Variants in DNAH17 observed in about 807,000 individuals in gnomAD.
DNAH17 encodes axonemal beta dynein heavy chain 17.
DNAH17 carries 376 observed loss-of-function variants against 485.6 expected under a neutral mutation model. The ratio of observed to expected loss-of-function variants is 0.77; its 90% CI spans 0.71 to 0.84. DNAH17 has a LOEUF of 0.84. Ranked by LOEUF, DNAH17 falls within the 40% of genes least tolerant of loss-of-function variation. The probability of loss-of-function intolerance (pLI) is 0.00; values close to 1 mark genes in which losing one functional copy is unlikely to be tolerated. For synonymous variants in DNAH17, 3,031 were observed against 2,405.9 expected (o/e 1.26, Z -7.60); for missense variants, 6,370 against 5,839.3 (o/e 1.09, Z -2.96).
In DNAH17 at chr17:78,486,349, G is replaced by A. The variant is rs1046398821; in HGVS notation, c.6976C>T (p.Leu2326=). Residue 2326 remains leucine (L), a synonymous_variant, in exon 45 of 81, where the codon CTG becomes TTG. Transcript: ENST00000389840. ...VPEITVIQTI[L]YLLECLLTEK... ...GTGAGCAGGCACTCCAGCAGGTACAGAATCGTTTGGATCACCGTGATCTCC... is the reference window on the plus strand; with the variant it reads ...GTGAGCAGGCACTCCAGCAGGTACAAAATCGTTTGGATCACCGTGATCTCC... 3.1e-6 allele frequency: 5 copies of A among 1,613,786 alleles called. No homozygotes were observed. Among genetic ancestry groups the A allele is most frequent in the African/African-American group, 2.7e-5 (2 of 74,920 alleles).
In DNAH17 at chr17:78,502,859, GCCGCCGAGCCCCCAC is replaced by G. The variant is rs1281596896; in HGVS notation, c.5082+12_5082+26del. 1 of 1,606,862 alleles carries G rather than the reference GCCGCCGAGCCCCCAC, an allele frequency of 6.2e-7. No individual in the cohort carries two copies. The highest frequency in any genetic ancestry group is 8.5e-7 in the Non-Finnish European group (1 of 1,176,574). On this transcript the variant is annotated intron_variant, in intron 32 of 80. Transcript: ENST00000389840. The stretch of plus-strand genomic sequence containing the variant: ...TCGCCCCTTATCTCAGCCACGAGGC[GCCGCCGAGCCCCCAC>G]CCGCCTCAGACCTGGGCTGGGTAGT...
chr17:78,479,739 T>C, intron 49 of DNAH17, 107 bp from the exon 50 acceptor site: 3 of 1,487,014 alleles, frequency 2.0e-6, no homozygotes, highest in Non-Finnish European at 2.7e-6. Context: ...TTCTAAGGTC[T>C]TTTGGGCATT....
At chr17:78,426,008 C>T (rs1187874745) in intron 79 of DNAH17, among the ~76,000 whole-genome samples, 1 of 152,178 alleles carries the variant, frequency 6.6e-6, no homozygotes, top group African/African-American at 2.4e-5. Flanking sequence ...AGTGATCTGC[C>T]TGCCTTGGTC....
intron 30 of DNAH17, among the ~76,000 whole-genome samples, chr17:78,505,723 A>T (rs963929812): frequency 6.6e-6 from 1 of 152,222 alleles, no homozygotes; most frequent in Non-Finnish European, 1.5e-5. Flanking sequence ...TCACACCTGT[A>T]ATCCCAGCAC....
chr17:78,432,914 C>CT (rs397767330), intron 75 of DNAH17, among the ~76,000 whole-genome samples: 1 of 130,256 alleles, frequency 7.7e-6, no homozygotes, highest in Admixed American at 7.6e-5. Flanking sequence ...CCCCCCCCCC[C>CT]GACCCCGGTG....
chr17:78,539,963 C>T lies in DNAH17; in HGVS notation c.2533-83G>A, dbSNP rs558000467. 47 of 1,362,590 alleles carry T rather than the reference C, an allele frequency of 3.4e-5. No homozygotes were observed. The East Asian group carries it at 5.1e-4, about 15-fold the overall frequency. 84.4% of individuals were successfully genotyped at this position (1,362,590 alleles called of 1,614,324 possible). On this transcript the variant is annotated intron_variant, in intron 17 of 80. Coordinates refer to ENST00000389840, the MANE Select transcript of DNAH17 (RefSeq NM_173628.4). ...CACACTGTTTAGTGCCTCTCTGGAC[C>T]GCCCGTCCATGTTCACACGCCGGAC...
At chr17:78,569,333 C>A (rs1451682143) in intron 8 of DNAH17, 42 bp downstream of exon 8, 2 of 1,608,138 alleles carry the variant, frequency 1.2e-6, no homozygotes, top group Admixed American at 3.4e-5. Flanking sequence ...CATATGAACT[C>A]ACTCGTCCTG....
chr17:78,522,858 CTT>C (rs540576103), intron 25 of DNAH17: 42 of 160,298 alleles, frequency 2.6e-4, no homozygotes, highest in South Asian at 9.5e-4. Context: ...CTTTTTCTTT[CTT>C]TTTTTTTTTT....
At chr17:78,474,823 C>G (rs1248262157) in intron 54 of DNAH17, among the ~76,000 whole-genome samples, 3 of 151,396 alleles carry the variant, frequency 2.0e-5, no homozygotes, top group African/African-American at 7.3e-5. Context: ...CACACACTGG[C>G]CGGAAGGTTT....
At position 78,572,811 on chromosome 17, in the gene DNAH17, G is replaced by A. The variant is rs746719617; in HGVS notation, c.429C>T (p.His143=). 19 of 1,613,940 alleles carry A rather than the reference G, an allele frequency of 1.2e-5. No individual in the cohort carries two copies. The highest frequency in any genetic ancestry group is 1.0e-4 in the Admixed American group (6 of 60,016). Residue 143 remains histidine, a synonymous_variant, in exon 3 of 81, where the codon CAC becomes CAT. Transcript: ENST00000389840. Reference sequence around the variant, plus strand: ...TCACAAACATTTCATTCTTCAGCCTGTGGACCTGCTTCACGATGTCTTCCG... The same window carrying A: ...TCACAAACATTTCATTCTTCAGCCTATGGACCTGCTTCACGATGTCTTCCG... ...VVSEDIVKQV[H]RLKNEMFVMS...
At position 78,510,404 on chromosome 17, in the gene DNAH17, T is replaced by C; in HGVS notation, c.4216A>G (p.Lys1406Glu). 1 of 1,613,232 alleles carries C rather than the reference T, an allele frequency of 6.2e-7. No individual in the cohort carries two copies. The highest frequency in any genetic ancestry group is 8.5e-7 in the Non-Finnish European group (1 of 1,179,688). ...EVRNIVDKAV[K>E]ESGMEKVLKA... is the part of the protein sequence containing the mutation. The stretch of plus-strand genomic sequence containing the variant: ...CCTACCTTTTCCATGCCCGACTCCT[T>C]CACGGCCTTGTCCACGATGTTGCGG... Residue 1406 changes from lysine (K) to glutamate (E), a missense_variant, in exon 27 of 81, where the codon AAG (lysine) becomes GAG (glutamate). Transcript: ENST00000389840.
rs55701739 is a variant in DNAH17 at position 78,554,436 on chromosome 17, C to CAAAAAAAAAAAAAAAAAAAA, written c.2179-1651_2179-1632dup. 1.9e-4 allele frequency among the ~76,000 whole-genome samples: 6 copies of CAAAAAAAAAAAAAAAAAAAA among 32,238 alleles called. 2 individuals are homozygous for CAAAAAAAAAAAAAAAAAAAA. The highest frequency in any genetic ancestry group is 1.3e-3 in the Admixed American group (2 of 1,554). The allele number at this position is 32,238 out of a possible 152,430, so 21.1% of individuals were successfully genotyped here. ...TGGACAATAGAATGAGACTCTGTCT[C>CAAAAAAAAAAAAAAAAAAAA]AAAAAAAAAAAAAAAAAAAAAAAAA... On this transcript the variant is annotated intron_variant, in intron 14 of 80. Coordinates refer to ENST00000389840, the MANE Select transcript of DNAH17 (RefSeq NM_173628.4).
chr17:78,539,686 A>C (rs1213366694), intron 18 of DNAH17, 51 bp downstream of exon 18: 4 of 1,426,852 alleles, frequency 2.8e-6, no homozygotes, highest in Middle Eastern at 1.9e-4. Flanking sequence ...ATAGATTCTA[A>C]CAGATAAGAA....
chr17:78,522,486 C>G (rs115648760), intron 25 of DNAH17: 16,138 of 325,408 alleles, frequency 0.05, 547 homozygotes, highest in South Asian at 0.075. Context: ...TCCTGAAGCA[C>G]AAGGAGAAAG....
intron 75 of DNAH17, among the ~76,000 whole-genome samples, chr17:78,431,360 C>A (rs75061977): frequency 2.6e-5 from 4 of 152,104 alleles, no homozygotes; most frequent in African/African-American, 9.7e-5. Context: ...CCCTCTCCCC[C>A]TCCTGGCCCC....
chr17:78,428,699 G>C lies in DNAH17; in HGVS notation c.12414C>G (p.His4138Gln). Residue 4138 changes from histidine to glutamine, a missense_variant, in exon 77 of 81, where the codon CAC (histidine) becomes CAG (glutamine). Transcript: ENST00000389840. ...GGGGCAGGTTCTCATCGATGTATTCGTGGTAACCCTGAAAAAGAGGGCAGT... is the reference window on the plus strand; with the variant it reads ...GGGGCAGGTTCTCATCGATGTATTCCTGGTAACCCTGAAAAAGAGGGCAGT... ...IPPNLDYKGYHEYIDENLPPE... is the reference protein window; with the variant it reads ...IPPNLDYKGYQEYIDENLPPE... 1 of 1,613,422 alleles carries C rather than the reference G, an allele frequency of 6.2e-7. No individual in the cohort carries two copies.
At chr17:78,446,804 C>T (rs1040652798) in intron 69 of DNAH17, among the ~76,000 whole-genome samples, 7 of 151,986 alleles carry the variant, frequency 4.6e-5, no homozygotes, top group African/African-American at 7.3e-5. Flanking sequence ...CCACCATGCC[C>T]GGCTAATTTT....
chr17:78,542,858 C>A (rs1251345384), intron 17 of DNAH17, among the ~76,000 whole-genome samples: 1 of 152,246 alleles, frequency 6.6e-6, no homozygotes, highest in African/African-American at 2.4e-5. Context: ...CTGTTCCCTA[C>A]CCACACTCAT....
intron 10 of DNAH17, 96 bp from the exon 11 acceptor site, chr17:78,566,826 T>A: frequency 7.6e-7 from 1 of 1,312,252 alleles, no homozygotes; most frequent in South Asian, 1.3e-5. Flanking sequence ...GACTCGGGAC[T>A]GAGGCGCAGC....
Sources: gnomAD v4.1 joint callset for allele counts (sites outside exome capture counted in the v4.1 genomes callset) on GRCh38, gnomAD v4.1.1 for gene constraint, MANE v1.5 for transcripts, NCBI Gene and HGNC (gene_info 2026-07-23, HGNC 2026-07-21) for gene names.